SPMIP11: variants seen among roughly 807,000 people sequenced by gnomAD.
SPMIP11 encodes the protein sperm microtubule inner protein 11, also known as long intergenic non-protein coding RNA 935.
At chr12:48,763,681 C>CT in the SPMIP11 span, among the ~76,000 whole-genome samples, 4,193 of 137,424 alleles carry the variant, frequency 0.031, 175 homozygotes, top group East Asian at 0.13. Flanking sequence ...AGTAAAAGTA[C>CT]TTTTTTTTTT....
the SPMIP11 span, among the ~76,000 whole-genome samples, chr12:48,741,870 C>T: frequency 6.6e-6 from 1 of 152,084 alleles, no homozygotes. Context: ...AATTCCTGAG[C>T]TCAAGCGATT....
the SPMIP11 span, among the ~76,000 whole-genome samples, chr12:48,735,374 G>A: frequency 3.3e-5 from 5 of 152,050 alleles, no homozygotes; most frequent in South Asian, 2.1e-4. Flanking sequence ...TCGGGAGGCC[G>A]AGGTGGGCAG....
At chr12:48,755,871 C>A in the SPMIP11 span, among the ~76,000 whole-genome samples, 3 of 132,602 alleles carry the variant, frequency 2.3e-5, no homozygotes, top group South Asian at 7.5e-4. Context: ...TCCTCAGTTT[C>A]TTTCTTTTTT....
At chr12:48,769,026 C>T in the SPMIP11 span, 2 of 1,611,428 alleles carry the variant, frequency 1.2e-6, no homozygotes, top group Admixed American at 1.7e-5. Flanking sequence ...TTCCGAGCCC[C>T]GATGACACCT....
chr12:48,731,635 C>T, the SPMIP11 span, among the ~76,000 whole-genome samples: 1 of 152,168 alleles, frequency 6.6e-6, no homozygotes, highest in African/African-American at 2.4e-5. Flanking sequence ...AGCCTCATCC[C>T]ATAACCCCTG....
the SPMIP11 span, among the ~76,000 whole-genome samples, chr12:48,758,065 C>T: frequency 4.5e-3 from 688 of 151,958 alleles, 2 homozygotes; most frequent in African/African-American, 0.015. Flanking sequence ...CACTTCGGGA[C>T]GCTGAGGAGG....
At chr12:48,753,201 A>G in the SPMIP11 span, among the ~76,000 whole-genome samples, 1 of 152,196 alleles carries the variant, frequency 6.6e-6, no homozygotes, top group Non-Finnish European at 1.5e-5. Context: ...TTTGGGTGGT[A>G]GGGAAAGATT....
At chr12:48,760,939 T>C in the SPMIP11 span, among the ~76,000 whole-genome samples, 2 of 152,232 alleles carry the variant, frequency 1.3e-5, no homozygotes, top group African/African-American at 2.4e-5. Context: ...TCATGCATTA[T>C]CCCTTTGAGG....
the SPMIP11 span, among the ~76,000 whole-genome samples, chr12:48,735,167 T>C: frequency 6.6e-6 from 1 of 152,246 alleles, no homozygotes; most frequent in East Asian, 1.9e-4. Flanking sequence ...ACAACCTGAA[T>C]GAGCCTGGAA....
chr12:48,728,048 CAA>C, the SPMIP11 span, among the ~76,000 whole-genome samples: 57 of 143,694 alleles, frequency 4.0e-4, no homozygotes, highest in East Asian at 4.0e-4. Flanking sequence ...GAAACCATCT[CAA>C]AAAAAAAAAA....
At chr12:48,753,992 T>TGCACCCAGCCTGA in the SPMIP11 span, among the ~76,000 whole-genome samples, 1 of 151,980 alleles carries the variant, frequency 6.6e-6, no homozygotes, top group Non-Finnish European at 1.5e-5. Flanking sequence ...CATGAGCCAC[T>TGCACCCAGCCTGA]GTCTCCGGCT....
chr12:48,761,486 C>T, the SPMIP11 span, among the ~76,000 whole-genome samples: 1 of 150,822 alleles, frequency 6.6e-6, no homozygotes, highest in Non-Finnish European at 1.5e-5. Flanking sequence ...GTGGTGCTCG[C>T]CTGCAGTCCC....
the SPMIP11 span, among the ~76,000 whole-genome samples, chr12:48,749,096 T>C: frequency 6.6e-6 from 1 of 151,632 alleles, no homozygotes; most frequent in Non-Finnish European, 1.5e-5. Flanking sequence ...ACCCCATCTC[T>C]ACTAAAAATA....
chr12:48,768,931 C>T, the SPMIP11 span: 1 of 1,605,806 alleles, frequency 6.2e-7, no homozygotes, highest in Non-Finnish European at 8.5e-7. Flanking sequence ...CTCATATCCC[C>T]CTCACCTGGA....
the SPMIP11 span, among the ~76,000 whole-genome samples, chr12:48,755,299 TA>T: frequency 1.1e-4 from 17 of 152,320 alleles, no homozygotes; most frequent in African/African-American, 4.1e-4. Context: ...GGGTATTTCA[TA>T]TCTACTTATC....
the SPMIP11 span, among the ~76,000 whole-genome samples, chr12:48,742,884 T>TA: frequency 2.6e-5 from 4 of 151,794 alleles, no homozygotes; most frequent in African/African-American, 4.8e-5. Context: ...AAACTCCATT[T>TA]AAAAAAATAA....
chr12:48,759,106 AG>A, the SPMIP11 span: 1 of 648,770 alleles, frequency 1.5e-6, no homozygotes, highest in Non-Finnish European at 2.8e-6. Flanking sequence ...GTGAGTGGCT[AG>A]GAGAGATCCC....
the SPMIP11 span, among the ~76,000 whole-genome samples, chr12:48,758,252 C>T: frequency 5.3e-5 from 8 of 152,252 alleles, no homozygotes; most frequent in South Asian, 2.1e-4. Context: ...GAAAACTACA[C>T]ATGGTGGATA....
chr12:48,757,255 T>TA, the SPMIP11 span, among the ~76,000 whole-genome samples: 686 of 150,520 alleles, frequency 4.6e-3, 3 homozygotes, highest in Non-Finnish European at 7.9e-3. Context: ...CTGAAAGACT[T>TA]AAAAAAAAAA....
Sources: allele counts gnomAD v4.1 joint callset (sites outside exome capture counted in the v4.1 genomes callset), GRCh38; gene constraint gnomAD v4.1.1; transcripts MANE v1.5; gene names NCBI Gene and HGNC (gene_info 2026-07-23, HGNC 2026-07-21).